Variants in SNTN observed in about 807,000 individuals in gnomAD.
SNTN encodes sentan, cilia apical structure protein, also known as sentan.
In SNTN, 13 loss-of-function variants were observed where a neutral mutation model predicts 12.3. The ratio of observed to expected loss-of-function variants is 1.05; its 90% CI spans 0.69 to 1.67. The LOEUF is 1.67. Ranked by LOEUF, SNTN falls within the 40% of genes most tolerant of loss-of-function variation. The pLI is 0.00. For missense variants in SNTN, 189 were observed against 169.8 expected, an observed-to-expected ratio of 1.11 and a Z score of -0.63; for synonymous variants, 69 against 58.5, an observed-to-expected ratio of 1.18 and a Z score of -0.82.
chr3:63,655,796 A>G (rs556753872), intron 2 of SNTN, among the ~76,000 whole-genome samples: 6 of 152,346 alleles, frequency 3.9e-5, no homozygotes, highest in African/African-American at 1.4e-4. Flanking sequence ...TCTAAATGTT[A>G]TTCATCAAAA....
At chr3:63,660,284 A>T (rs1310796893) in intron 3 of SNTN, among the ~76,000 whole-genome samples, 1 of 152,018 alleles carries the variant, frequency 6.6e-6, no homozygotes, top group African/African-American at 2.4e-5. Context: ...GTGAGAAGGG[A>T]TGGGACGGTA....
chr3:63,659,969 C>A, intron 3 of SNTN, 105 bp downstream of exon 3: 1 of 1,387,932 alleles, frequency 7.2e-7, no homozygotes, highest in African/African-American at 1.4e-5. Context: ...TCTCACGTAA[C>A]AAATGTTTAT....
At chr3:63,653,922 A>G (rs371108387) in intron 1 of SNTN, among the ~76,000 whole-genome samples, 74 of 152,166 alleles carry the variant, frequency 4.9e-4, no homozygotes, top group African/African-American at 1.7e-3. Flanking sequence ...CACCCACACT[A>G]TACCTCCTCT....
At position 63,652,842 on chromosome 3, in the gene SNTN, G is replaced by T. The variant is rs557465891; in HGVS notation, c.110+45G>T. 740 of 1,564,956 alleles carry T rather than the reference G, an allele frequency of 4.7e-4. 12 individuals carry two copies. The South Asian group carries it at 7.7e-3, about 16-fold the overall frequency. On this transcript the variant is annotated intron_variant, in intron 1 of 3. Coordinates refer to ENST00000343837, the MANE Select transcript of SNTN (RefSeq NM_001080537.2). The stretch of plus-strand genomic sequence containing the variant: ...CTTTTATTGAGTTTCATTTAAGCTT[G>T]CAGATATATTTCCAAAGAGTTTATG...
At chr3:63,653,510 A>G (rs991388591) in intron 1 of SNTN, among the ~76,000 whole-genome samples, 1 of 152,154 alleles carries the variant, frequency 6.6e-6, no homozygotes, top group African/African-American at 2.4e-5. Context: ...ACAAGTGAAA[A>G]AAATGAGGAA....
intron 3 of SNTN, among the ~76,000 whole-genome samples, chr3:63,660,381 G>A (rs62251916): frequency 0.13 from 19,898 of 152,012 alleles, 1,660 homozygotes; most frequent in South Asian, 0.25. Flanking sequence ...AGGAAGCCAG[G>A]AACTATGTCT....
chr3:63,662,232 G>A (rs1025756456), intron 3 of SNTN, among the ~76,000 whole-genome samples: 8 of 152,158 alleles, frequency 5.3e-5, no homozygotes, highest in Middle Eastern at 3.2e-3. Flanking sequence ...TGAGTCAATG[G>A]CAAAGCTCAG....
rs376153135 is a variant in SNTN at position 63,652,740 on chromosome 3, A to T, written c.53A>T (p.Asp18Val). Reference protein sequence around the residue: ...TQDKSLHLEGDPNPSAAPTST... With the variant: ...TQDKSLHLEGVPNPSAAPTST... ...GACAAATCTCTCCACTTGGAAGGAG[A>T]TCCCAATCCTTCTGCAGCCCCAACA... The change falls in exon 1 of 4, where the codon GAT (aspartate) becomes GTT (valine). Residue 18 changes from aspartate (D) to valine (V), a missense_variant. By Grantham distance (152) the Asp-to-Val change is radical. Transcript: ENST00000343837. The T allele has an allele frequency of 6.2e-7, 1 of 1,613,972 alleles. No individual in the cohort carries two copies. The highest frequency in any genetic ancestry group is 8.5e-7 in the Non-Finnish European group (1 of 1,179,996).
chr3:63,663,902 C>T, intron 3 of SNTN, 35 bp from the exon 4 acceptor site: 1 of 1,601,934 alleles, frequency 6.2e-7, no homozygotes, highest in Non-Finnish European at 8.5e-7. Context: ...AAAGTCTATA[C>T]AACGAATTCG....
intron 3 of SNTN, 32 bp from the exon 4 acceptor site, chr3:63,663,905 C>G: frequency 6.2e-7 from 1 of 1,603,286 alleles, no homozygotes; most frequent in South Asian, 1.1e-5. Context: ...GTCTATACAA[C>G]GAATTCGGTT....
At chr3:63,660,527 G>A (rs761980818) in intron 3 of SNTN, among the ~76,000 whole-genome samples, 1 of 152,148 alleles carries the variant, frequency 6.6e-6, no homozygotes, top group Non-Finnish European at 1.5e-5. Flanking sequence ...AGACTACGGC[G>A]GTGAAGATGG....
chr3:63,660,454 A>C (rs1318568207), intron 3 of SNTN, among the ~76,000 whole-genome samples: 1 of 152,166 alleles, frequency 6.6e-6, no homozygotes, highest in African/African-American at 2.4e-5. Context: ...TTGGGGGTGG[A>C]ATAGGAAAAA....
intron 1 of SNTN, among the ~76,000 whole-genome samples, chr3:63,653,803 T>G (rs1700646621): frequency 6.6e-6 from 1 of 152,226 alleles, no homozygotes; most frequent in Admixed American, 6.5e-5. Context: ...ATCATGTGAT[T>G]CCTGTTGCCC....
At chr3:63,663,654 C>A (rs1228246023) in intron 3 of SNTN, 2 of 461,630 alleles carry the variant, frequency 4.3e-6, no homozygotes, top group African/African-American at 4.0e-5. Context: ...CCTCCCTCCT[C>A]CTCTTGCCCC....
At chr3:63,662,542 A>G (rs536423317) in intron 3 of SNTN, among the ~76,000 whole-genome samples, 1 of 152,202 alleles carries the variant, frequency 6.6e-6, no homozygotes, top group Non-Finnish European at 1.5e-5. Context: ...ACCAATACCT[A>G]TCTCATACCT....
At chr3:63,656,402 C>T (rs1700679964) in intron 2 of SNTN, among the ~76,000 whole-genome samples, 1 of 151,962 alleles carries the variant, frequency 6.6e-6, no homozygotes, top group Non-Finnish European at 1.5e-5. Context: ...AGTATAGCAG[C>T]CACCAGCTTC....
intron 1 of SNTN, among the ~76,000 whole-genome samples, 192 bp from the exon 2 acceptor site, chr3:63,654,570 C>T (rs781304520): frequency 3.3e-5 from 5 of 152,154 alleles, no homozygotes; most frequent in African/African-American, 4.8e-5. Context: ...GCTGGCCAGC[C>T]ATGTGCAGGC....
chr3:63,656,249 A>G (rs1321434105), intron 2 of SNTN, among the ~76,000 whole-genome samples: 13 of 152,182 alleles, frequency 8.5e-5, no homozygotes, highest in Admixed American at 8.5e-4. Context: ...AGGAAGAGGC[A>G]GAGGATTTTT....
chr3:63,663,933 A>C lies in SNTN; in HGVS notation c.286-4A>C. ...ATTCGGTTTTTATTTCTCCATTCTC[A>C]CAGGGACAAGAAACCAAGCCAAAAT... On this transcript the variant is annotated splice_polypyrimidine_tract_variant and splice_region_variant and intron_variant, in intron 3 of 3. Coordinates refer to ENST00000343837, the MANE Select transcript of SNTN (RefSeq NM_001080537.2). The C allele has an allele frequency of 6.2e-7, 1 of 1,609,240 alleles. No individual in the cohort carries two copies. The highest frequency in any genetic ancestry group is 1.1e-5 in the South Asian group (1 of 89,478).
Sources: gnomAD v4.1 joint callset for allele counts (sites outside exome capture counted in the v4.1 genomes callset) on GRCh38, gnomAD v4.1.1 for gene constraint, MANE v1.5 for transcripts, NCBI Gene and HGNC (gene_info 2026-07-23, HGNC 2026-07-21) for gene names.